The following SLC24A2 variants were observed in gnomAD, a reference collection of about 807,000 sequenced individuals.
The protein encoded by SLC24A2 is sodium/potassium/calcium exchanger 2.
A neutral mutation model predicts 62.0 loss-of-function variants in SLC24A2; 36 were observed. That is an observed-to-expected ratio of 0.58 (90% confidence interval 0.44 to 0.77). The LOEUF is 0.77. Among genes scored for constraint, SLC24A2 ranks in the 30% least tolerant of loss-of-function variants. SLC24A2 has a pLI of 0.00. For missense variants in SLC24A2, 846 were observed against 817.9 expected, an observed-to-expected ratio of 1.03 and a Z score of -0.42; for synonymous variants, 358 against 294.0, an observed-to-expected ratio of 1.22 and a Z score of -2.23.
intron 5 of SLC24A2, among the ~76,000 whole-genome samples, chr9:19,596,153 T>C (rs1836698765): frequency 6.6e-6 from 1 of 152,172 alleles, no homozygotes; most frequent in African/African-American, 2.4e-5. Context: ...GGCTTCCTCT[T>C]GCCCGGGGTT....
chr9:20,289,884 T>C, the SLC24A2 span, among the ~76,000 whole-genome samples: 1 of 152,300 alleles, frequency 6.6e-6, no homozygotes, highest in South Asian at 2.1e-4. Flanking sequence ...AATTTTTTCC[T>C]ACGCTTCTAT....
intron 5 of SLC24A2, among the ~76,000 whole-genome samples, chr9:19,588,754 G>T (rs1456476087): frequency 1.3e-5 from 2 of 152,034 alleles, no homozygotes; most frequent in Admixed American, 1.3e-4. Flanking sequence ...TGAGGTCAGG[G>T]ATTCAAGACG....
the SLC24A2 span, among the ~76,000 whole-genome samples, chr9:19,840,211 G>C: frequency 6.6e-6 from 1 of 152,222 alleles, no homozygotes; most frequent in East Asian, 1.9e-4. Flanking sequence ...CCTGTACATA[G>C]ACTTTCTTTA....
At chr9:19,851,006 T>TAA in the SLC24A2 span, among the ~76,000 whole-genome samples, 1 of 66,040 alleles carries the variant, frequency 1.5e-5, no homozygotes, top group African/African-American at 6.3e-5. Flanking sequence ...TATATACACA[T>TAA]ACATATATAT....
chr9:20,287,464 G>A, the SLC24A2 span, among the ~76,000 whole-genome samples: 1 of 152,172 alleles, frequency 6.6e-6, no homozygotes, highest in East Asian at 1.9e-4. Flanking sequence ...GGGGTGGGTT[G>A]CAGGAAACCA....
chr9:20,111,849 T>TA, the SLC24A2 span, among the ~76,000 whole-genome samples: 294 of 152,134 alleles, frequency 1.9e-3, 2 homozygotes, highest in Non-Finnish European at 3.4e-3. Context: ...ACCAAAAAGA[T>TA]TAAAAAAAAT....
the SLC24A2 span, among the ~76,000 whole-genome samples, chr9:20,249,925 T>C: frequency 3.3e-5 from 5 of 152,200 alleles, no homozygotes; most frequent in Non-Finnish European, 7.3e-5. Context: ...TGGTTTCATA[T>C]TCAAATAAAA....
the SLC24A2 span, among the ~76,000 whole-genome samples, chr9:20,278,458 A>T: frequency 6.6e-6 from 1 of 152,022 alleles, no homozygotes; most frequent in African/African-American, 2.4e-5. Flanking sequence ...ACCCTAAATC[A>T]CCTCTCAAGT....
intron 2 of SLC24A2, among the ~76,000 whole-genome samples, chr9:19,713,359 G>A (rs1396505126): frequency 2.0e-5 from 3 of 152,128 alleles, no homozygotes; most frequent in Non-Finnish European, 4.4e-5. Flanking sequence ...TGTATTGGTT[G>A]TTATATAACA....
the SLC24A2 span, among the ~76,000 whole-genome samples, chr9:20,038,207 TCC>T: frequency 2.4e-4 from 37 of 152,316 alleles, no homozygotes; most frequent in Middle Eastern, 3.4e-3. Context: ...CTCTGCCATT[TCC>T]CAGCTGTGTA....
At chr9:19,754,412 G>C (rs1178986125) in intron 2 of SLC24A2, among the ~76,000 whole-genome samples, 1 of 152,170 alleles carries the variant, frequency 6.6e-6, no homozygotes, top group Non-Finnish European at 1.5e-5. Context: ...CTGAACCTTT[G>C]AGCCTTGAAT....
chr9:19,822,923 T>C, the SLC24A2 span, among the ~76,000 whole-genome samples: 1 of 152,108 alleles, frequency 6.6e-6, no homozygotes, highest in Non-Finnish European at 1.5e-5. Flanking sequence ...GAGACTTGGA[T>C]AAAGGCAGCC....
intron 5 of SLC24A2, among the ~76,000 whole-genome samples, chr9:19,578,185 G>T (rs538004560): frequency 6.6e-6 from 1 of 151,920 alleles, no homozygotes; most frequent in South Asian, 2.1e-4. Flanking sequence ...CACCACTAAA[G>T]AAATTACTCA....
At chr9:20,055,897 A>T in the SLC24A2 span, among the ~76,000 whole-genome samples, 5 of 152,178 alleles carry the variant, frequency 3.3e-5, no homozygotes, top group South Asian at 6.2e-4. Flanking sequence ...TCCAAAATAT[A>T]AAAAAATTAT....
the SLC24A2 span, among the ~76,000 whole-genome samples, chr9:20,052,522 G>T: frequency 2.6e-5 from 4 of 152,086 alleles, no homozygotes; most frequent in African/African-American, 9.7e-5. Context: ...TTCTGTTCCC[G>T]TTTTTTCCAT....
At chr9:20,287,430 C>T in the SLC24A2 span, among the ~76,000 whole-genome samples, 119 of 152,250 alleles carry the variant, frequency 7.8e-4, no homozygotes, top group Middle Eastern at 6.8e-3. Context: ...TATGCTGAGC[C>T]TATCAACTCC....
At chr9:20,025,498 T>G in the SLC24A2 span, among the ~76,000 whole-genome samples, 2 of 152,162 alleles carry the variant, frequency 1.3e-5, no homozygotes, top group African/African-American at 4.8e-5. Flanking sequence ...GGTATTTGGG[T>G]GAACATTATT....
intron 5 of SLC24A2, among the ~76,000 whole-genome samples, chr9:19,591,779 G>T (rs988369038): frequency 6.6e-6 from 1 of 152,152 alleles, no homozygotes; most frequent in African/African-American, 2.4e-5. Context: ...TCTGCTACTC[G>T]AATTCTTACA....
At chr9:20,121,452 T>A in the SLC24A2 span, among the ~76,000 whole-genome samples, 1 of 152,134 alleles carries the variant, frequency 6.6e-6, no homozygotes, top group East Asian at 1.9e-4. Context: ...TATGGGAAGA[T>A]CATGTGCATA....
Sources: gnomAD v4.1 joint callset for allele counts (sites outside exome capture counted in the v4.1 genomes callset) on GRCh38, gnomAD v4.1.1 for gene constraint, MANE v1.5 for transcripts, NCBI Gene and HGNC (gene_info 2026-07-23, HGNC 2026-07-21) for gene names.